The following UBTD1 variants were observed in gnomAD, a reference collection of about 807,000 sequenced individuals.
UBTD1 encodes the protein ubiquitin domain containing 1, also known as ubiquitin domain-containing protein 1.
In UBTD1, 19 loss-of-function variants were observed where a neutral mutation model predicts 21.7. That is an observed-to-expected ratio of 0.87 (90% CI 0.61 to 1.28). The LOEUF is 1.28. UBTD1 is among the 50% of genes most tolerant of loss of function. UBTD1 has a pLI of 0.00. For missense variants in UBTD1, 282 were observed against 315.1 expected, an observed-to-expected ratio of 0.89 and a Z score of 0.80; for synonymous variants, 116 against 135.1, an observed-to-expected ratio of 0.86 and a Z score of 0.98.
At chr10:97,554,601 G>A (rs1589881821) in intron 1 of UBTD1, among the ~76,000 whole-genome samples, 1 of 151,992 alleles carries the variant, frequency 6.6e-6, no homozygotes, top group South Asian at 2.1e-4. Flanking sequence ...CCCAGGCTGG[G>A]GTGCAGTGGT....
intron 1 of UBTD1, among the ~76,000 whole-genome samples, chr10:97,534,039 T>C (rs2040547240): frequency 6.6e-6 from 1 of 152,146 alleles, no homozygotes; most frequent in African/African-American, 2.4e-5. Flanking sequence ...TTCTACTGCC[T>C]GGAAACCTTG....
At chr10:97,544,726 C>T (rs1431285456) in intron 1 of UBTD1, among the ~76,000 whole-genome samples, 1 of 152,196 alleles carries the variant, frequency 6.6e-6, no homozygotes, top group African/African-American at 2.4e-5. Context: ...GGCAGTGGCT[C>T]ATGCGTGTAA....
At chr10:97,532,606 A>G (rs923899055) in intron 1 of UBTD1, among the ~76,000 whole-genome samples, 1 of 152,192 alleles carries the variant, frequency 6.6e-6, no homozygotes, top group Admixed American at 6.5e-5. Flanking sequence ...CCTGGCCAAC[A>G]TGGTGAAACC....
At chr10:97,540,366 C>G (rs2040582004) in intron 1 of UBTD1, among the ~76,000 whole-genome samples, 1 of 152,196 alleles carries the variant, frequency 6.6e-6, no homozygotes, top group Non-Finnish European at 1.5e-5. Flanking sequence ...CGCTTGTGAC[C>G]TACCAGTCCC....
chr10:97,528,727 C>T (rs1443573201), intron 1 of UBTD1, among the ~76,000 whole-genome samples: 8 of 64,854 alleles, frequency 1.2e-4, no homozygotes, highest in Admixed American at 7.9e-4. Flanking sequence ...GGGGCTGACC[C>T]CCCCCACCTC....
At chr10:97,512,629 C>T (rs2040427631) in intron 1 of UBTD1, among the ~76,000 whole-genome samples, 1 of 152,336 alleles carries the variant, frequency 6.6e-6, no homozygotes, top group Non-Finnish European at 1.5e-5. Context: ...TACATTGGGC[C>T]CTTGAATCTG....
intron 1 of UBTD1, among the ~76,000 whole-genome samples, chr10:97,500,363 G>A (rs2040362279): frequency 6.6e-6 from 1 of 152,224 alleles, no homozygotes; most frequent in Admixed American, 6.5e-5. Context: ...GAAGGAAGAT[G>A]GGGGAACCAG....
intron 1 of UBTD1, among the ~76,000 whole-genome samples, chr10:97,550,194 A>T (rs2040630316): frequency 1.3e-5 from 2 of 152,162 alleles, no homozygotes. Context: ...CTTGTCACAT[A>T]ATCGGTGCAT....
chr10:97,521,146 T>G (rs935790778), intron 1 of UBTD1, among the ~76,000 whole-genome samples: 5 of 152,176 alleles, frequency 3.3e-5, no homozygotes, highest in Non-Finnish European at 7.4e-5. Context: ...ACCTTGTTAT[T>G]TAATCTGTAG....
At chr10:97,504,141 TA>T (rs1218625078) in intron 1 of UBTD1, among the ~76,000 whole-genome samples, 4 of 152,142 alleles carry the variant, frequency 2.6e-5, no homozygotes, top group African/African-American at 9.7e-5. Context: ...GGTTTTGCCT[TA>T]AATATGTCCC....
At chr10:97,568,781 A>G (rs1459957210) in intron 2 of UBTD1, among the ~76,000 whole-genome samples, 2 of 152,194 alleles carry the variant, frequency 1.3e-5, no homozygotes, top group Admixed American at 1.3e-4. Flanking sequence ...TTATGGGGCC[A>G]TGTAAAGCAG....
intron 1 of UBTD1, among the ~76,000 whole-genome samples, chr10:97,548,924 G>C (rs778064566): frequency 6.6e-6 from 1 of 152,134 alleles, no homozygotes; most frequent in Non-Finnish European, 1.5e-5. Context: ...ACCCTTCCCC[G>C]AGCCCGGCCA....
chr10:97,557,358 T>A (rs904158679), intron 1 of UBTD1, among the ~76,000 whole-genome samples: 7 of 152,104 alleles, frequency 4.6e-5, no homozygotes, highest in Non-Finnish European at 8.8e-5. Context: ...GTTTTTTTTT[T>A]AATTCCACTT....
chr10:97,528,636 T>A (rs1223209762), intron 1 of UBTD1, among the ~76,000 whole-genome samples: 3 of 58,412 alleles, frequency 5.1e-5, no homozygotes, highest in South Asian at 8.8e-4. Flanking sequence ...AACCCCCACC[T>A]CCCTCCCGGA....
At chr10:97,552,500 A>G (rs548596944) in intron 1 of UBTD1, among the ~76,000 whole-genome samples, 1 of 148,682 alleles carries the variant, frequency 6.7e-6, no homozygotes, top group African/African-American at 2.5e-5. Context: ...AGTTCAAGCA[A>G]TTCTCCTGCC....
intron 1 of UBTD1, among the ~76,000 whole-genome samples, chr10:97,508,431 A>C (rs1354231627): frequency 6.6e-6 from 1 of 152,170 alleles, no homozygotes; most frequent in Non-Finnish European, 1.5e-5. Context: ...GAACATGCCT[A>C]CCTATTTTAC....
At chr10:97,529,124 C>T (rs1039917890) in intron 1 of UBTD1, among the ~76,000 whole-genome samples, 10 of 150,478 alleles carry the variant, frequency 6.6e-5, no homozygotes, top group African/African-American at 7.4e-5. Flanking sequence ...ACATCCCAGA[C>T]GGGGCAGCGG....
intron 1 of UBTD1, among the ~76,000 whole-genome samples, chr10:97,537,974 T>G (rs1317333620): frequency 6.6e-6 from 1 of 151,928 alleles, no homozygotes; most frequent in Non-Finnish European, 1.5e-5. Flanking sequence ...TACAGGTGTG[T>G]GCCACCACAC....
At chr10:97,545,222 TC>T (rs1266141075) in intron 1 of UBTD1, among the ~76,000 whole-genome samples, 1 of 150,990 alleles carries the variant, frequency 6.6e-6, no homozygotes, top group Non-Finnish European at 1.5e-5. Flanking sequence ...GCGCCTGTAG[TC>T]CCAGCTACTC....
Sources: allele counts gnomAD v4.1 joint callset (sites outside exome capture counted in the v4.1 genomes callset), GRCh38; gene constraint gnomAD v4.1.1; transcripts MANE v1.5; gene names NCBI Gene and HGNC (gene_info 2026-07-23, HGNC 2026-07-21).